Variants in TUSC3 observed in about 807,000 individuals in gnomAD.
The protein encoded by TUSC3 is tumor suppressor candidate 3.
In TUSC3, 45 loss-of-function variants were observed where a neutral mutation model predicts 44.8. The observed-to-expected ratio is 1.00, with a 90% CI of 0.79 to 1.29. The LOEUF is 1.29. Ranked by LOEUF, TUSC3 falls within the 50% of genes most tolerant of loss-of-function variation. The probability of loss-of-function intolerance (pLI) is 0.00; values close to 1 mark genes in which losing one functional copy is unlikely to be tolerated. For synonymous variants in TUSC3, 212 were observed against 152.9 expected (o/e 1.39, Z -2.85); for missense variants, 519 against 437.9 (o/e 1.19, Z -1.65).
intron 4 of TUSC3, among the ~76,000 whole-genome samples, chr8:15,660,219 A>T (rs972564424): frequency 1.3e-5 from 2 of 152,072 alleles, no homozygotes; most frequent in African/African-American, 4.8e-5. Flanking sequence ...TATTGGGAAA[A>T]ATTGAATATA....
the TUSC3 span, chr8:15,806,523 C>T: frequency 4.5e-6 from 6 of 1,319,074 alleles, no homozygotes; most frequent in Admixed American, 6.8e-5. Flanking sequence ...TCAGTGACTT[C>T]AAGCCTGGAT....
In TUSC3 at chr8:15,655,192, C is replaced by A. The variant is rs970395646; in HGVS notation, c.427-4315C>A. On this transcript the variant is annotated intron_variant, in intron 3 of 10. Coordinates refer to ENST00000503731, the MANE Select transcript of TUSC3 (RefSeq NM_006765.4). ...GGTTGCAGCTGGCTGCTAGGAAAGGCAGTCTCCCAGTAAATAGAAAACACC... is the reference window on the plus strand; with the variant it reads ...GGTTGCAGCTGGCTGCTAGGAAAGGAAGTCTCCCAGTAAATAGAAAACACC... 2.0e-5 allele frequency among the ~76,000 whole-genome samples: 3 copies of A among 152,158 alleles called. No individual in the cohort carries two copies. In the South Asian group the frequency reaches 6.2e-4, roughly 32 times the overall value.
rs115172126 is a variant in TUSC3 at position 15,745,420 on chromosome 8, C to T, written c.937+1808C>T. Among the ~76,000 whole-genome samples the T allele has an allele frequency of 6.3e-3, 951 of 152,110 alleles. 9 individuals are homozygous for T. Among genetic ancestry groups the T allele is most frequent in the African/African-American group, 0.022 (927 of 41,494 alleles). On this transcript the variant is annotated intron_variant, in intron 8 of 10. Transcript: ENST00000503731. ...CAGTAGCTGCTCTAATTTACATTCC[C>T]GACAACAGTGCATAAGCATTCCCTT...
chr8:15,823,384 C>T, the TUSC3 span, among the ~76,000 whole-genome samples: 1 of 152,138 alleles, frequency 6.6e-6, no homozygotes, highest in East Asian at 1.9e-4. Context: ...AAAACTCACA[C>T]TCATCTTTAA....
chr8:15,442,748 G>T (rs1248619178), intron 1 of TUSC3, among the ~76,000 whole-genome samples: 1 of 152,146 alleles, frequency 6.6e-6, no homozygotes, highest in Non-Finnish European at 1.5e-5. Flanking sequence ...AGGAATGAAT[G>T]TCATTGATAA....
the TUSC3 span, among the ~76,000 whole-genome samples, chr8:15,798,740 C>T: frequency 2.6e-5 from 4 of 152,066 alleles, no homozygotes; most frequent in South Asian, 2.1e-4. Context: ...TTTGCATCCT[C>T]GGGCCAACTA....
At chr8:15,509,548 C>T (rs1417261706) in intron 2 of TUSC3, among the ~76,000 whole-genome samples, 1 of 151,872 alleles carries the variant, frequency 6.6e-6, no homozygotes, top group Non-Finnish European at 1.5e-5. Context: ...GCTGAGGTTG[C>T]AGTGAGCCGA....
intron 2 of TUSC3, among the ~76,000 whole-genome samples, chr8:15,491,003 A>G (rs1800800998): frequency 1.3e-5 from 2 of 152,232 alleles, no homozygotes; most frequent in African/African-American, 4.8e-5. Context: ...AAAAGAGAGG[A>G]CATACGGTTG....
chr8:15,757,270 C>A (rs1165273580), intron 9 of TUSC3, among the ~76,000 whole-genome samples: 1 of 152,106 alleles, frequency 6.6e-6, no homozygotes, highest in East Asian at 1.9e-4. Context: ...TAAAACGAAA[C>A]TGATAGTTTC....
At chr8:15,446,455 C>T (rs1369871930) in intron 1 of TUSC3, among the ~76,000 whole-genome samples, 4 of 152,006 alleles carry the variant, frequency 2.6e-5, no homozygotes, top group Non-Finnish European at 5.9e-5. Flanking sequence ...ACTGAGTGAG[C>T]GAGACTCCGT....
chr8:15,806,913 C>T, the TUSC3 span: 1 of 1,403,830 alleles, frequency 7.1e-7, no homozygotes, highest in South Asian at 1.1e-5. Context: ...TGTTGACCCA[C>T]TTCTATCTGC....
chr8:15,467,362 A>C (rs1227587549), intron 1 of TUSC3, among the ~76,000 whole-genome samples: 2 of 152,020 alleles, frequency 1.3e-5, no homozygotes, highest in Admixed American at 1.3e-4. Flanking sequence ...TCACTAAGTC[A>C]AAAACTATAT....
intron 1 of TUSC3, among the ~76,000 whole-genome samples, chr8:15,436,757 A>ACACTAT (rs1233047576): frequency 1.3e-5 from 2 of 152,204 alleles, no homozygotes; most frequent in Admixed American, 6.5e-5. Context: ...ATAGTGTGCA[A>ACACTAT]GTGTCACTCA....
chr8:15,458,361 C>G (rs1257360785), intron 1 of TUSC3, among the ~76,000 whole-genome samples: 1 of 152,114 alleles, frequency 6.6e-6, no homozygotes, highest in Non-Finnish European at 1.5e-5. Context: ...ACCTCAGTCT[C>G]CCGAATAGCT....
chr8:15,800,443 C>T, the TUSC3 span, among the ~76,000 whole-genome samples: 1 of 151,994 alleles, frequency 6.6e-6, no homozygotes, highest in Non-Finnish European at 1.5e-5. Context: ...CATGGTGGCT[C>T]ATGCCTATAG....
chr8:15,839,053 C>G, the TUSC3 span, among the ~76,000 whole-genome samples: 2 of 152,074 alleles, frequency 1.3e-5, no homozygotes, highest in African/African-American at 4.8e-5. Flanking sequence ...GTTTGTAGTT[C>G]TCCTTGAAGA....
intron 6 of TUSC3, among the ~76,000 whole-genome samples, chr8:15,724,479 C>T (rs541950087): frequency 6.6e-6 from 1 of 152,196 alleles, no homozygotes; most frequent in African/African-American, 2.4e-5. Context: ...AGCAAGGCAA[C>T]CCTTTGACTT....
chr8:15,740,135 A>G (rs1014559435), intron 7 of TUSC3, among the ~76,000 whole-genome samples: 1 of 152,210 alleles, frequency 6.6e-6, no homozygotes, highest in African/African-American at 2.4e-5. Context: ...CTTCTCTGAC[A>G]AGATTGAATT....
At chr8:15,797,241 C>G in the TUSC3 span, among the ~76,000 whole-genome samples, 5,500 of 152,276 alleles carry the variant, frequency 0.036, 104 homozygotes, top group African/African-American at 0.051. Flanking sequence ...GGGCCCTATG[C>G]AAATTATGAT....
Sources: gnomAD v4.1 joint callset for allele counts (sites outside exome capture counted in the v4.1 genomes callset) on GRCh38, gnomAD v4.1.1 for gene constraint, MANE v1.5 for transcripts, NCBI Gene and HGNC (gene_info 2026-07-23, HGNC 2026-07-21) for gene names.